The following LYST variants were observed in gnomAD, a reference collection of about 807,000 sequenced individuals.
The protein encoded by LYST is lysosomal trafficking regulator.
A neutral mutation model predicts 413.6 loss-of-function variants in LYST; 192 were observed. The ratio of observed to expected loss-of-function variants is 0.46; its 90% CI spans 0.41 to 0.52. The LOEUF (loss-of-function observed/expected upper bound fraction) is 0.52. Ranked by LOEUF, LYST falls within the 20% of genes least tolerant of loss-of-function variation. The pLI, the probability that LYST is intolerant of heterozygous loss-of-function variation, is 0.00. For missense variants in LYST, 3,815 were observed against 4,499.9 expected, an observed-to-expected ratio of 0.85 and a Z score of 4.35; for synonymous variants, 1,525 against 1,567.3, an observed-to-expected ratio of 0.97 and a Z score of 0.64.
chr1:235,751,620 A>C (rs1031183618), intron 27 of LYST, among the ~76,000 whole-genome samples: 2 of 152,176 alleles, frequency 1.3e-5, no homozygotes, highest in African/African-American at 4.8e-5. Flanking sequence ...GTTTCAAAGA[A>C]CAGGCTTTTT....
intron 27 of LYST, 113 bp from the exon 28 acceptor site, chr1:235,751,475 A>G: frequency 2.1e-6 from 2 of 944,284 alleles, no homozygotes; most frequent in Non-Finnish European, 3.3e-6. Flanking sequence ...TTAAATTTTG[A>G]TCAGCATGGG....
chr1:235,718,154 A>G (rs748419053), intron 40 of LYST, among the ~76,000 whole-genome samples: 44 of 150,882 alleles, frequency 2.9e-4, no homozygotes, highest in Middle Eastern at 3.5e-3. Context: ...GTGAGCCACC[A>G]CGCCTGGCCT....
At chr1:235,848,694 T>C (rs1180992072) in intron 1 of LYST, among the ~76,000 whole-genome samples, 1 of 152,020 alleles carries the variant, frequency 6.6e-6, no homozygotes, top group Non-Finnish European at 1.5e-5. Flanking sequence ...AAATGGGAGA[T>C]ACTACAACTG....
chr1:235,846,288 C>T (rs1341795422), intron 1 of LYST, among the ~76,000 whole-genome samples: 6 of 152,074 alleles, frequency 3.9e-5, no homozygotes, highest in Admixed American at 6.5e-5. Context: ...CACTGCAGTT[C>T]GGCTCACAGG....
chr1:235,806,444 T>C lies in LYST; in HGVS notation c.2692A>G (p.Ile898Val), dbSNP rs2102864770. 5 of 1,614,088 alleles carry C rather than the reference T, an allele frequency of 3.1e-6. No homozygotes were observed. The South Asian group carries it at 3.3e-5, about 11-fold the overall frequency. The change falls in exon 6 of 53, where the codon ATA (isoleucine) becomes GTA (valine). Residue 898 changes from isoleucine (I) to valine (V), a missense_variant. Ile to Val is a conservative substitution (Grantham distance 29, BLOSUM62 3). This residue lies in a region of LYST where 1,648 missense variants were observed against 1,810.3 expected (regional missense o/e 0.91). Coordinates refer to ENST00000389793, the MANE Select transcript of LYST (RefSeq NM_000081.4). ...AAAGCCACACAGAGGAATAGGTTTA[T>C]TGTGTTGATATGAACATCTTGGTTA... ...TVNQDVHINTINLFLCVAFLC... is the reference protein window; with the variant it reads ...TVNQDVHINTVNLFLCVAFLC...
In LYST at chr1:235,810,221, G is replaced by C. The variant is rs112127610; in HGVS notation, c.597C>G (p.Asp199Glu). 4.2e-4 allele frequency: 672 copies of C among 1,614,052 alleles called. 2 individuals are homozygous for C. The African/African-American group carries it at 8.0e-3, about 19-fold the overall frequency. ...HHFLTSFPKQ[D>E]HPKAKLDRLA... ...AGCGGTCAAGTTTAGCTTTGGGGTG[G>C]TCTTGTTTAGGAAACGATGTTAAAA... Residue 199 changes from aspartate to glutamate, a missense_variant, in exon 5 of 53, where the codon GAC becomes GAG. This residue lies in a region of LYST where 1,648 missense variants were observed against 1,810.3 expected (regional missense o/e 0.91). Coordinates refer to ENST00000389793, the MANE Select transcript of LYST (RefSeq NM_000081.4).
intron 45 of LYST, among the ~76,000 whole-genome samples, chr1:235,700,233 A>C (rs569810776): frequency 2.6e-4 from 39 of 152,356 alleles, no homozygotes; most frequent in African/African-American, 8.4e-4. Flanking sequence ...AAAATTGACA[A>C]CTGGGATCTA....
rs1444318368 is a variant in LYST, at chr1:235,677,127, C to A, written c.11002G>T (p.Glu3668Ter). ...ACAGTAGCAATATCACCTGAGGTTT[C>A]ACTGGCAGAGACAGCTGTGACAGGG... The part of the protein sequence containing the change: ...KSPVTAVSAS[E>*]TSGDIATVCD... Residue 3668 changes from glutamate to a stop codon, truncating the protein, a stop_gained, in exon 50 of 53, where the codon GAA (glutamate) becomes TAA (stop). Transcript: ENST00000389793. LOFTEE classifies it high-confidence loss of function. 3.7e-6 allele frequency: 6 copies of A among 1,613,924 alleles called. No individual in the cohort carries two copies. The highest frequency in any genetic ancestry group is 5.1e-6 in the Non-Finnish European group (6 of 1,179,930).
rs567814848 is a variant in LYST at position 235,754,067 on chromosome 1, G to C, written c.7230-793C>G. Among the ~76,000 whole-genome samples the C allele has an allele frequency of 5.9e-5, 9 of 151,982 alleles. No individual in the cohort carries two copies. In the South Asian group the frequency reaches 1.9e-3, roughly 32 times the overall value. The stretch of plus-strand genomic sequence containing the variant: ...TTGCTAATCCATCAGCATTCTACCA[G>C]GGTCAAAACTCAGCAATCAGTGTAT... On this transcript the variant is annotated intron_variant, in intron 25 of 52. Coordinates refer to ENST00000389793, the MANE Select transcript of LYST (RefSeq NM_000081.4).
rs1168746774 is a variant in LYST, at chr1:235,686,861, C to T, written c.10800+88G>A. ...TAAGGTATAAACATTTTAAGTTAAT[C>T]TTATGCAAAGTGAATTATACTTCAT... is the stretch of plus-strand genomic sequence containing the variant. On this transcript the variant is annotated intron_variant, in intron 48 of 52. Coordinates refer to ENST00000389793, the MANE Select transcript of LYST (RefSeq NM_000081.4). This position sits in a 1 kb window ranked among gnomAD's most constrained non-coding sequence, Gnocchi z 4.0. 3 of 976,014 alleles carry T rather than the reference C, an allele frequency of 3.1e-6. No homozygotes were observed. Among genetic ancestry groups the T allele is most frequent in the Admixed American group, 3.4e-5 (2 of 59,104 alleles). 60.5% of individuals were successfully genotyped at this position (976,014 alleles called of 1,614,324 possible). A position where few individuals can be genotyped will look rare whatever the true frequency, so the allele number is the denominator to read the frequency against.
intron 1 of LYST, among the ~76,000 whole-genome samples, chr1:235,848,149 T>C (rs1678089515): frequency 6.6e-6 from 1 of 152,098 alleles, no homozygotes; most frequent in South Asian, 2.1e-4. Flanking sequence ...CGAGTCTCAA[T>C]AGATTTAAGA....
rs554393796 is a variant in LYST at position 235,662,035 on chromosome 1, G to A, written c.*905C>T. 6.6e-6 allele frequency: 1 copy of A among 152,308 alleles called. No individual in the cohort carries two copies. The highest frequency in any genetic ancestry group is 2.1e-4 in the South Asian group (1 of 4,826). The allele number at this position is 152,308 out of a possible 1,614,324, so 9.4% of individuals were successfully genotyped here. On this transcript the variant is annotated 3_prime_UTR_variant, in exon 53 of 53. Coordinates refer to ENST00000389793, the MANE Select transcript of LYST (RefSeq NM_000081.4). ...TTTGGGGAAGAAAATTCTTCCTGCA[G>A]ATTAGATCAAATGCCTTATTTAGGC...
chr1:235,763,178 C>T (rs747404117), intron 21 of LYST, among the ~76,000 whole-genome samples: 4 of 152,166 alleles, frequency 2.6e-5, no homozygotes, highest in Non-Finnish European at 4.4e-5. Context: ...GATTGTTCAT[C>T]CTTGAGGAAA....
chr1:235,819,701 A>C (rs1047895591), intron 3 of LYST, among the ~76,000 whole-genome samples: 1 of 152,226 alleles, frequency 6.6e-6, no homozygotes, highest in Non-Finnish European at 1.5e-5. Flanking sequence ...GCTGGAGTGC[A>C]GTGGCGTGAT....
chr1:235,716,402 G>A (rs575585205), intron 41 of LYST, among the ~76,000 whole-genome samples: 82 of 152,222 alleles, frequency 5.4e-4, no homozygotes, highest in Non-Finnish European at 9.4e-4. Context: ...TAGGGGATAC[G>A]AATAGCAGGT....
At chr1:235,732,563 T>C (rs1386054355) in intron 34 of LYST, among the ~76,000 whole-genome samples, 3 of 152,200 alleles carry the variant, frequency 2.0e-5, no homozygotes, top group South Asian at 2.1e-4. Flanking sequence ...TTAATACATA[T>C]TGTCAAAATG....
At chr1:235,846,569 C>G (rs1483635163) in intron 1 of LYST, among the ~76,000 whole-genome samples, 1 of 151,894 alleles carries the variant, frequency 6.6e-6, no homozygotes, top group Non-Finnish European at 1.5e-5. Flanking sequence ...AGATATTAAG[C>G]TAATCAGGGA....
chr1:235,797,987 C>G (rs1017192847), intron 10 of LYST, among the ~76,000 whole-genome samples: 4 of 152,054 alleles, frequency 2.6e-5, no homozygotes, highest in African/African-American at 9.7e-5. Context: ...TTTCTTCAAA[C>G]AAGATATACG....
intron 38 of LYST, among the ~76,000 whole-genome samples, chr1:235,727,042 T>G (rs1005916489): frequency 2.6e-5 from 4 of 152,156 alleles, no homozygotes; most frequent in Non-Finnish European, 5.9e-5. Flanking sequence ...TATTTCTGAC[T>G]ACTTTAAATA....
Sources: allele counts gnomAD v4.1 joint callset (sites outside exome capture counted in the v4.1 genomes callset), GRCh38; gene constraint gnomAD v4.1.1; regional missense constraint gnomAD v4.1.1; non-coding constraint Gnocchi (gnomAD v3.1); transcripts MANE v1.5; gene names NCBI Gene and HGNC (gene_info 2026-07-23, HGNC 2026-07-21).